The following MCTP1 variants were observed in gnomAD, a reference collection of about 807,000 sequenced individuals.
MCTP1 encodes multiple C2 and transmembrane domain containing 1.
In MCTP1, 69 loss-of-function variants were observed where a neutral mutation model predicts 120.6. The ratio of observed to expected loss-of-function variants is 0.57; its 90% CI spans 0.47 to 0.70. MCTP1 has a LOEUF of 0.70. Among genes scored for constraint, MCTP1 ranks in the 30% least tolerant of loss-of-function variants. The pLI, the probability that MCTP1 is intolerant of heterozygous loss-of-function variation, is 0.00. For synonymous variants in MCTP1, 529 were observed against 493.1 expected (o/e 1.07, Z -0.96); for missense variants, 1,203 against 1,248.8 (o/e 0.96, Z 0.55).
chr5:95,083,876 A>C (rs1755227460), intron 1 of MCTP1, among the ~76,000 whole-genome samples: 1 of 152,218 alleles, frequency 6.6e-6, no homozygotes, highest in Non-Finnish European at 1.5e-5. Context: ...TTAAATAAAT[A>C]ATGGGTTAAT....
intron 11 of MCTP1, among the ~76,000 whole-genome samples, chr5:94,894,325 A>G (rs189236073): frequency 6.6e-6 from 1 of 152,362 alleles, no homozygotes; most frequent in African/African-American, 2.4e-5. Context: ...CAAAGAATCA[A>G]TAAATTAATT....
intron 1 of MCTP1, among the ~76,000 whole-genome samples, chr5:95,278,087 GAA>G (rs557380256): frequency 1.2e-3 from 154 of 126,270 alleles, no homozygotes; most frequent in African/African-American, 4.3e-3. Flanking sequence ...TATTCTGCCA[GAA>G]AAAAAAAAAA....
chr5:95,157,496 T>C (rs974683067), intron 1 of MCTP1, among the ~76,000 whole-genome samples: 6 of 152,200 alleles, frequency 3.9e-5, no homozygotes, highest in Non-Finnish European at 5.9e-5. Context: ...TGTAGACCCA[T>C]ATAGAAAACT....
At chr5:95,055,944 C>T (rs1747283109) in intron 1 of MCTP1, among the ~76,000 whole-genome samples, 1 of 152,174 alleles carries the variant, frequency 6.6e-6, no homozygotes, top group Non-Finnish European at 1.5e-5. Context: ...TTTGACTTGA[C>T]TTAAGGCTAG....
chr5:95,212,017 A>C (rs559755130), intron 1 of MCTP1, among the ~76,000 whole-genome samples: 5 of 152,320 alleles, frequency 3.3e-5, no homozygotes, highest in South Asian at 2.1e-4. Flanking sequence ...AACCAAAATC[A>C]GAGGAGAACT....
In MCTP1 at chr5:94,799,071, A is replaced by C; in HGVS notation, c.2498T>G (p.Leu833Arg). 1 of 1,612,066 alleles carries C rather than the reference A, an allele frequency of 6.2e-7. No individual in the cohort carries two copies. Among genetic ancestry groups the C allele is most frequent in the Non-Finnish European group, 8.5e-7 (1 of 1,178,482 alleles). ...TATCAAGAAGTAGTTCCATGTCAAT[A>C]GTAACAACAAAACCAGTGGTATCAT... Reference protein sequence around the residue: ...LYMIPLVLLLLLTWNYFLIIS... With the variant: ...LYMIPLVLLLRLTWNYFLIIS... Residue 833 changes from leucine to arginine, a missense_variant, in exon 18 of 23, where the codon CTA becomes CGA. Physicochemically the swap from Leu to Arg is moderately radical, Grantham distance 102 (BLOSUM62 -2). Coordinates refer to ENST00000515393, the MANE Select transcript of MCTP1 (RefSeq NM_024717.7).
intron 1 of MCTP1, among the ~76,000 whole-genome samples, chr5:95,155,377 A>G (rs753667572): frequency 6.6e-6 from 1 of 152,068 alleles, no homozygotes; most frequent in Non-Finnish European, 1.5e-5. Flanking sequence ...AGATTGTTGG[A>G]CTCTTGTTTA....
At chr5:94,726,341 A>G (rs963748580) in intron 19 of MCTP1, among the ~76,000 whole-genome samples, 3 of 152,244 alleles carry the variant, frequency 2.0e-5, no homozygotes, top group African/African-American at 7.2e-5. Context: ...CATGCCTTTT[A>G]TCATGTGATT....
chr5:94,804,154 C>T (rs1282157971), intron 17 of MCTP1, among the ~76,000 whole-genome samples: 2 of 152,174 alleles, frequency 1.3e-5, no homozygotes, highest in African/African-American at 2.4e-5. Flanking sequence ...TGTTATACAG[C>T]AAAAGCTCAC....
At chr5:94,895,506 C>T (rs1803758411) in intron 10 of MCTP1, among the ~76,000 whole-genome samples, 1 of 152,116 alleles carries the variant, frequency 6.6e-6, no homozygotes, top group Admixed American at 6.5e-5. Context: ...ATAAAAATGT[C>T]AGTTGATTTT....
chr5:95,182,236 C>T (rs892422153), intron 1 of MCTP1, among the ~76,000 whole-genome samples: 7 of 152,124 alleles, frequency 4.6e-5, no homozygotes, highest in African/African-American at 1.7e-4. Flanking sequence ...TGAAAAACTT[C>T]CCCTTAAAGG....
chr5:94,998,321 C>A (rs921163347), intron 2 of MCTP1, among the ~76,000 whole-genome samples: 1 of 152,086 alleles, frequency 6.6e-6, no homozygotes, highest in Non-Finnish European at 1.5e-5. Flanking sequence ...CTATCTATGG[C>A]TAAGATAAGA....
At chr5:95,271,647 A>G (rs1238523267) in intron 1 of MCTP1, among the ~76,000 whole-genome samples, 1 of 152,116 alleles carries the variant, frequency 6.6e-6, no homozygotes, top group Non-Finnish European at 1.5e-5. Context: ...GTGCTCTTCC[A>G]TGGTGGCTGT....
intron 17 of MCTP1, among the ~76,000 whole-genome samples, chr5:94,813,054 G>A (rs565845792): frequency 9.2e-5 from 14 of 152,140 alleles, no homozygotes; most frequent in East Asian, 5.8e-4. Flanking sequence ...GCCACACATC[G>A]AGAGAAAATA....
chr5:94,825,612 G>A (rs910408618), intron 17 of MCTP1, among the ~76,000 whole-genome samples: 2 of 151,994 alleles, frequency 1.3e-5, no homozygotes, highest in African/African-American at 2.4e-5. Context: ...TTTCTGTCTC[G>A]TTGATCTGTC....
At chr5:94,819,118 T>TATTTATTCATTC (rs78332652) in intron 17 of MCTP1, among the ~76,000 whole-genome samples, 23,948 of 139,562 alleles carry the variant, frequency 0.17, 2,776 homozygotes, top group Non-Finnish European at 0.25. Context: ...TTTATTTATT[T>TATTTATTCATTC]ATTCATTCAT....
At chr5:94,851,473 C>T (rs142429835) in intron 17 of MCTP1, among the ~76,000 whole-genome samples, 60 of 152,088 alleles carry the variant, frequency 3.9e-4, no homozygotes, top group African/African-American at 1.4e-3. Flanking sequence ...AGGAAAGTTA[C>T]CCATCTTTAA....
chr5:94,887,789 C>T (rs892999102), intron 12 of MCTP1, among the ~76,000 whole-genome samples: 5 of 152,124 alleles, frequency 3.3e-5, no homozygotes, highest in African/African-American at 1.2e-4. Flanking sequence ...CACATGGTCA[C>T]TTAATAGGCA....
chr5:94,865,102 G>A (rs1357401658), intron 17 of MCTP1, among the ~76,000 whole-genome samples: 2 of 151,696 alleles, frequency 1.3e-5, no homozygotes, highest in Non-Finnish European at 2.9e-5. Context: ...GCCCAGAAAC[G>A]TATCTGCTTA....
Sources: allele counts gnomAD v4.1 joint callset (sites outside exome capture counted in the v4.1 genomes callset), GRCh38; gene constraint gnomAD v4.1.1; transcripts MANE v1.5; gene names NCBI Gene and HGNC (gene_info 2026-07-23, HGNC 2026-07-21).